RBM19: variants seen among roughly 807,000 people sequenced by gnomAD.
RBM19 encodes the protein RNA binding motif protein 19.
A neutral mutation model predicts 116.8 loss-of-function variants in RBM19; 94 were observed. The observed-to-expected ratio is 0.80, with a 90% CI of 0.68 to 0.95. RBM19 has a LOEUF of 0.95. RBM19 is among the 40% of genes least tolerant of loss of function. The pLI is 0.00. For synonymous variants in RBM19, 475 were observed against 494.1 expected, an observed-to-expected ratio of 0.96 and a Z score of 0.51; for missense variants, 1,161 against 1,220.7, an observed-to-expected ratio of 0.95 and a Z score of 0.73.
intron 22 of RBM19, among the ~76,000 whole-genome samples, chr12:113,846,653 C>T (rs1329629511): frequency 6.6e-6 from 1 of 152,152 alleles, no homozygotes; most frequent in Non-Finnish European, 1.5e-5. Flanking sequence ...CGGAAGGAAC[C>T]AATCCTGCCA....
At chr12:113,925,397 T>C (rs1301880988) in intron 17 of RBM19, among the ~76,000 whole-genome samples, 2 of 152,224 alleles carry the variant, frequency 1.3e-5, no homozygotes, top group African/African-American at 4.8e-5. Flanking sequence ...ATGCTTTATT[T>C]GGAGTATCTC....
intron 22 of RBM19, among the ~76,000 whole-genome samples, chr12:113,845,736 T>A (rs2135719456): frequency 6.6e-6 from 1 of 152,266 alleles, no homozygotes; most frequent in Non-Finnish European, 1.5e-5. Context: ...GGTCTCAAGT[T>A]CAATGGCACT....
chr12:113,875,909 C>T (rs1273745685), intron 21 of RBM19, among the ~76,000 whole-genome samples: 1 of 152,140 alleles, frequency 6.6e-6, no homozygotes, highest in African/African-American at 2.4e-5. Flanking sequence ...CACACCTCCC[C>T]TGTCCTCACT....
intron 20 of RBM19, among the ~76,000 whole-genome samples, chr12:113,915,780 AT>A (rs1358168553): frequency 6.6e-6 from 1 of 152,090 alleles, no homozygotes; most frequent in Non-Finnish European, 1.5e-5. Flanking sequence ...ACCTAATTTG[AT>A]TGTTTGAAGA....
chr12:113,939,837 G>T, intron 15 of RBM19, 123 bp downstream of exon 15: 1 of 989,364 alleles, frequency 1.0e-6, no homozygotes, highest in Non-Finnish European at 1.5e-6. Context: ...TGATCGTGAC[G>T]GGCGGTTTAG....
rs1218739429 is a variant in RBM19, at chr12:113,955,193, G to T, written c.859C>A (p.Gln287Lys). ...ARAETEKPAN[Q>K]KEPTTCHTVK... ...GTGTGGCAGGTGGTGGGTTCCTTCT[G>T]GTTTGCTGGTTTCTCTGTCTGAGTG... The change falls in exon 7 of 24, where the codon CAG (glutamine) becomes AAG (lysine). Residue 287 changes from glutamine to lysine, a missense_variant. Physicochemically the swap from Gln to Lys is moderately conservative, Grantham distance 53. Coordinates refer to ENST00000261741, the MANE Select transcript of RBM19 (RefSeq NM_016196.4). 2 of 1,613,932 alleles carry T rather than the reference G, an allele frequency of 1.2e-6. No individual in the cohort carries two copies. Among genetic ancestry groups the T allele is most frequent in the African/African-American group, 2.7e-5 (2 of 74,902 alleles).
intron 21 of RBM19, among the ~76,000 whole-genome samples, chr12:113,867,473 G>A (rs766417966): frequency 7.9e-5 from 12 of 152,276 alleles, no homozygotes; most frequent in Admixed American, 2.6e-4. Flanking sequence ...ATTTTAAGCC[G>A]GTGGTTTTCA....
At chr12:113,931,844 C>T (rs899001466) in intron 16 of RBM19, among the ~76,000 whole-genome samples, 17 of 152,178 alleles carry the variant, frequency 1.1e-4, no homozygotes, top group Admixed American at 6.5e-5. Context: ...CCCAACCACT[C>T]GCTGTTCCAT....
At chr12:113,924,540 T>G (rs1868882304) in intron 18 of RBM19, among the ~76,000 whole-genome samples, 157 bp downstream of exon 18, 1 of 152,180 alleles carries the variant, frequency 6.6e-6, no homozygotes, top group Non-Finnish European at 1.5e-5. Context: ...AGGGGCTATT[T>G]CAAAGAGTCT....
chr12:113,947,222 T>G lies in RBM19; in HGVS notation c.1407+112A>C, dbSNP rs1871100294. ...CTTAGCATGCCATTGCACATTTTCT[T>G]AGGCCCACAAAGTGGACGCCCGTGT... On this transcript the variant is annotated intron_variant, in intron 11 of 23. Transcript: ENST00000261741. The G allele has an allele frequency of 3.0e-6, 4 of 1,345,658 alleles. No homozygotes were observed. In the Admixed American group the frequency reaches 7.0e-5, roughly 24 times the overall value. 83.4% of individuals were successfully genotyped at this position (1,345,658 alleles called of 1,614,324 possible). A position where few individuals can be genotyped will look rare whatever the true frequency, so the allele number is the denominator to read the frequency against.
intron 23 of RBM19, among the ~76,000 whole-genome samples, chr12:113,834,795 C>T (rs1593459782): frequency 6.6e-6 from 1 of 152,046 alleles, no homozygotes; most frequent in Non-Finnish European, 1.5e-5. Context: ...GTGTCCAGAC[C>T]GGTATGCCTT....
Position 113,903,276 on chromosome 12 carries a change from T to C in RBM19, c.2558+11693A>G, listed in dbSNP as rs1167805799. 6.6e-6 allele frequency among the ~76,000 whole-genome samples: 1 copy of C among 152,242 alleles called. No individual in the cohort carries two copies. The highest frequency in any genetic ancestry group is 1.9e-4 in the East Asian group (1 of 5,194). ...TGTGGAACCCACAGATACAGAATCA[T>C]AGGATACGTGGCCTTTCGTGTCTGG... is the stretch of plus-strand genomic sequence containing the variant. On this transcript the variant is annotated intron_variant, in intron 21 of 23. Transcript: ENST00000261741. The surrounding 1 kb of genome is among the most constrained non-coding windows in gnomAD (Gnocchi z 5.1).
At chr12:113,824,799 CTCA>C (rs1468238975) in intron 23 of RBM19, among the ~76,000 whole-genome samples, 3 of 152,100 alleles carry the variant, frequency 2.0e-5, no homozygotes, top group Non-Finnish European at 2.9e-5. Flanking sequence ...GAACCCGTTT[CTCA>C]TCATCTCCAC....
intron 19 of RBM19, among the ~76,000 whole-genome samples, chr12:113,919,068 C>T (rs1328353501): frequency 2.0e-5 from 3 of 152,150 alleles, no homozygotes; most frequent in Non-Finnish European, 4.4e-5. Context: ...AAGAGAAACA[C>T]GGACCACTGA....
rs192959011 is a variant in RBM19, at chr12:113,827,605, G to A, written c.2786-4284C>T. Among the ~76,000 whole-genome samples, 35 of 152,242 alleles carry A rather than the reference G, an allele frequency of 2.3e-4. 1 individual carries two copies. The highest frequency in any genetic ancestry group is 1.8e-3 in the Admixed American group (28 of 15,294). ...AGCAGACGTTGAGGAAAGGCAAGCC[G>A]GGGGAGAAGAGCGTGGCTGATAAGG... On this transcript the variant is annotated intron_variant, in intron 23 of 23. Transcript: ENST00000261741.
intron 21 of RBM19, among the ~76,000 whole-genome samples, chr12:113,896,023 CAT>C (rs962520472): frequency 6.6e-6 from 1 of 151,900 alleles, no homozygotes; most frequent in Non-Finnish European, 1.5e-5. Context: ...AGAGAGAGCT[CAT>C]GTGTGCTGGG....
intron 21 of RBM19, among the ~76,000 whole-genome samples, chr12:113,892,084 T>C (rs1252503184): frequency 2.0e-5 from 3 of 152,116 alleles, no homozygotes; most frequent in Admixed American, 1.3e-4. Context: ...GCTGAGCCAT[T>C]ATAGAAGGCT....
downstream of RBM19, among the ~76,000 whole-genome samples, chr12:113,820,921 T>A (rs183813748): frequency 6.6e-6 from 1 of 152,292 alleles, no homozygotes; most frequent in East Asian, 1.9e-4. Context: ...AGCTTTCTTT[T>A]GGCCACAGGG....
Position 113,945,382 on chromosome 12 carries a change from A to G in RBM19, c.1626+446T>C, listed in dbSNP as rs148028181. ...GCGGAAATCATGAGACATGGTTCAG[A>G]GCCAAGGCACCGGAGTTGGCCAGAC... On this transcript the variant is annotated intron_variant, in intron 13 of 23. Transcript: ENST00000261741. Among the ~76,000 whole-genome samples the G allele has an allele frequency of 9.7e-4, 148 of 152,304 alleles. 1 individual carries two copies. Among genetic ancestry groups the G allele is most frequent in the Admixed American group, 2.7e-3 (41 of 15,294 alleles).
Sources: allele counts gnomAD v4.1 joint callset (sites outside exome capture counted in the v4.1 genomes callset), GRCh38; gene constraint gnomAD v4.1.1; non-coding constraint Gnocchi (gnomAD v3.1); transcripts MANE v1.5; gene names NCBI Gene and HGNC (gene_info 2026-07-23, HGNC 2026-07-21).